IL1RAPL2: variants seen among roughly 807,000 people sequenced by gnomAD.
IL1RAPL2 encodes interleukin 1 receptor accessory protein like 2.
Under a neutral mutation model 44.1 loss-of-function variants are expected in IL1RAPL2, and 3 were observed. That is an observed-to-expected ratio of 0.07 (90% CI 0.03 to 0.18). The LOEUF is 0.18. Ranked by LOEUF, IL1RAPL2 falls within the 10% of genes least tolerant of loss-of-function variation. IL1RAPL2 has a pLI of 1.00. For synonymous variants in IL1RAPL2, 181 were observed against 178.8 expected (o/e 1.01, Z -0.10); for missense variants, 391 against 496.4 (o/e 0.79, Z 2.02).
At chrX:105,530,411 T>A (rs2147792651) in intron 6 of IL1RAPL2, among the ~76,000 whole-genome samples, 1 of 111,029 alleles carries the variant, frequency 9.0e-6, no homozygotes, top group African/African-American at 3.3e-5. Context: ...CATTTTATTT[T>A]TTATTTATAT....
chrX:105,195,227 A>G (rs782296995), intron 2 of IL1RAPL2, among the ~76,000 whole-genome samples: 1 of 107,832 alleles, frequency 9.3e-6, no homozygotes, highest in African/African-American at 3.4e-5. Context: ...CTCCTTGAAG[A>G]ATCTGGTCCA....
intron 2 of IL1RAPL2, among the ~76,000 whole-genome samples, chrX:105,120,969 T>A (rs1602964507): frequency 9.0e-6 from 1 of 111,536 alleles, no homozygotes; most frequent in Non-Finnish European, 1.9e-5. Context: ...AATCAGTTTC[T>A]TAAAAGCAAA....
Position 105,624,131 on chromosome X carries a change from C to A in IL1RAPL2, c.773-93236C>A, listed in dbSNP as rs111460232. Among the ~76,000 whole-genome samples the A allele has an allele frequency of 7.0e-3, 771 of 110,791 alleles. 7 individuals carry two copies. Among genetic ancestry groups the A allele is most frequent in the African/African-American group, 0.024 (723 of 30,517 alleles). On this transcript the variant is annotated intron_variant, in intron 6 of 10. Coordinates refer to ENST00000372582, the MANE Select transcript of IL1RAPL2 (RefSeq NM_017416.2). ...AAGAAGAACTTTACCTGGTCAAGGA[C>A]CTAAAAGAAAAAGAAGGCCATTGTG...
intron 6 of IL1RAPL2, among the ~76,000 whole-genome samples, chrX:105,513,700 T>G (rs1401921995): frequency 9.0e-6 from 1 of 111,328 alleles, no homozygotes. Flanking sequence ...TTGCAAAAAT[T>G]TTATCTCATT....
intron 2 of IL1RAPL2, among the ~76,000 whole-genome samples, chrX:104,760,908 T>C (rs1302481457): frequency 1.8e-5 from 2 of 111,734 alleles, no homozygotes; most frequent in East Asian, 5.7e-4. Flanking sequence ...GTTTCATCGT[T>C]TGAAGGCTTA....
chrX:105,724,140 CT>C (rs2038330816), intron 7 of IL1RAPL2, among the ~76,000 whole-genome samples: 1 of 111,310 alleles, frequency 9.0e-6, no homozygotes, highest in Admixed American at 9.6e-5. Context: ...TGTGCAGCAG[CT>C]TGATCCTAGA....
intron 6 of IL1RAPL2, among the ~76,000 whole-genome samples, chrX:105,593,197 ATTCT>A (rs1960910311): frequency 9.0e-6 from 1 of 111,463 alleles, no homozygotes; most frequent in Non-Finnish European, 1.9e-5. Context: ...GAGCTCTGAG[ATTCT>A]TTCCTCATCT....
intron 2 of IL1RAPL2, among the ~76,000 whole-genome samples, chrX:104,914,839 G>T (rs1378847823): frequency 9.0e-6 from 1 of 110,921 alleles, no homozygotes; most frequent in Non-Finnish European, 1.9e-5. Context: ...CCTTGCCGTA[G>T]TTAACTGAGA....
chrX:104,614,234 C>T (rs182279430), intron 1 of IL1RAPL2, among the ~76,000 whole-genome samples: 83 of 110,929 alleles, frequency 7.5e-4, no homozygotes, highest in Non-Finnish European at 1.2e-3. Context: ...CTAGCTTTGG[C>T]GGTAATTTGT....
At chrX:105,537,329 C>T (rs755777028) in intron 6 of IL1RAPL2, among the ~76,000 whole-genome samples, 9 of 111,343 alleles carry the variant, frequency 8.1e-5, no homozygotes, top group Non-Finnish European at 1.5e-4. Flanking sequence ...TAATGGGGAA[C>T]GTTGACCTAT....
rs1056950270 is a variant in IL1RAPL2, at chrX:105,095,561, T to C, written c.83-99914T>C. ...ATAAACTCATATATCTATGTCAATT[T>C]TTTTTTACAAGGATGCCAAAAGCAT... On this transcript the variant is annotated intron_variant, in intron 2 of 10. Coordinates refer to ENST00000372582, the MANE Select transcript of IL1RAPL2 (RefSeq NM_017416.2). 3.6e-5 allele frequency among the ~76,000 whole-genome samples: 4 copies of C among 112,066 alleles called. No homozygotes were observed. The South Asian group carries it at 1.1e-3, about 31-fold the overall frequency.
At chrX:105,128,955 G>A (rs760372315) in intron 2 of IL1RAPL2, among the ~76,000 whole-genome samples, 1 of 111,414 alleles carries the variant, frequency 9.0e-6, no homozygotes, top group Non-Finnish European at 1.9e-5. Context: ...GAATCTCAGA[G>A]CCTTAATTAA....
At position 104,608,356 on chromosome X, in the gene IL1RAPL2, G is replaced by C. The variant is rs145733825; in HGVS notation, c.-20+41305G>C. On this transcript the variant is annotated intron_variant, in intron 1 of 10. Coordinates refer to ENST00000372582, the MANE Select transcript of IL1RAPL2 (RefSeq NM_017416.2). The stretch of plus-strand genomic sequence containing the variant: ...ACAAAACTGCACGTTGTGTCTGCTT[G>C]GTCCAGAGCTGAGTTCAAGTCCTGG... 5.4e-5 allele frequency among the ~76,000 whole-genome samples: 6 copies of C among 110,595 alleles called. No homozygotes were observed. In the East Asian group the frequency reaches 1.7e-3, roughly 32 times the overall value.
chrX:105,625,448 G>A (rs1187819703), intron 6 of IL1RAPL2, among the ~76,000 whole-genome samples: 1 of 112,213 alleles, frequency 8.9e-6, no homozygotes, highest in Non-Finnish European at 1.9e-5. Context: ...GCCTGTGGAT[G>A]TGGTCACAAC....
intron 6 of IL1RAPL2, among the ~76,000 whole-genome samples, chrX:105,547,296 G>A (rs1419249008): frequency 8.9e-6 from 1 of 112,252 alleles, no homozygotes; most frequent in Admixed American, 9.4e-5. Context: ...AAAGGGACTT[G>A]TTAGCCATTT....
intron 2 of IL1RAPL2, among the ~76,000 whole-genome samples, chrX:105,032,655 C>T (rs1339216960): frequency 9.0e-6 from 1 of 111,247 alleles, no homozygotes; most frequent in Non-Finnish European, 1.9e-5. Flanking sequence ...ACTATGTGTT[C>T]AATTTTGGAA....
intron 3 of IL1RAPL2, among the ~76,000 whole-genome samples, chrX:105,213,212 A>C (rs1193825372): frequency 1.8e-5 from 2 of 109,880 alleles, no homozygotes; most frequent in Non-Finnish European, 3.8e-5. Context: ...ACCCAATGCA[A>C]ATAAGCTAAG....
intron 6 of IL1RAPL2, among the ~76,000 whole-genome samples, chrX:105,636,127 GA>G (rs972058206): frequency 2.7e-5 from 3 of 110,807 alleles, no homozygotes; most frequent in African/African-American, 9.9e-5. Context: ...ATAATTTATG[GA>G]ACAGGAATGT....
intron 2 of IL1RAPL2, among the ~76,000 whole-genome samples, chrX:104,855,861 C>T (rs1023754803): frequency 3.7e-5 from 4 of 107,906 alleles, no homozygotes; most frequent in South Asian, 8.4e-4. Context: ...GCACAGAGGA[C>T]GTCTCACCAT....
Sources: allele counts gnomAD v4.1 joint callset (sites outside exome capture counted in the v4.1 genomes callset), GRCh38; gene constraint gnomAD v4.1.1; transcripts MANE v1.5; gene names NCBI Gene and HGNC (gene_info 2026-07-23, HGNC 2026-07-21).